Variants in BABAM2 observed in about 807,000 individuals in gnomAD.
BABAM2 encodes BRISC and BRCA1 A complex member 2, also known as BRISC and BRCA1-A complex member 2.
A neutral mutation model predicts 54.7 loss-of-function variants in BABAM2; 31 were observed. The ratio of observed to expected loss-of-function variants is 0.57; its 90% CI spans 0.43 to 0.77. BABAM2 has a LOEUF of 0.77. BABAM2 is among the 30% of genes least tolerant of loss of function. BABAM2 has a pLI of 0.00. For synonymous variants in BABAM2, 167 were observed against 162.9 expected (o/e 1.03, Z -0.19); for missense variants, 364 against 455.8 (o/e 0.80, Z 1.83).
chr2:28,179,498 A>T (rs1354141496), intron 7 of BABAM2, among the ~76,000 whole-genome samples: 3 of 152,172 alleles, frequency 2.0e-5, no homozygotes, highest in Non-Finnish European at 4.4e-5. Context: ...AATAAAGGCC[A>T]TATGTGACCC....
At chr2:27,917,003 ATCAC>A (rs1477921304) in intron 2 of BABAM2, among the ~76,000 whole-genome samples, 1 of 146,800 alleles carries the variant, frequency 6.8e-6, no homozygotes, top group African/African-American at 2.5e-5. Context: ...TATAGCAATA[ATCAC>A]TCCAAACTTT....
chr2:28,110,421 C>T (rs902921757), intron 6 of BABAM2, among the ~76,000 whole-genome samples: 13 of 151,750 alleles, frequency 8.6e-5, no homozygotes, highest in African/African-American at 2.4e-4. Flanking sequence ...GTCAGGAGTT[C>T]GAGACTAGCC....
intron 7 of BABAM2, among the ~76,000 whole-genome samples, chr2:28,198,183 T>C (rs1677823585): frequency 6.6e-6 from 1 of 151,272 alleles, no homozygotes; most frequent in Non-Finnish European, 1.5e-5. Flanking sequence ...TTTTTGAGAC[T>C]GAGTCTCGCT....
upstream of BABAM2, among the ~76,000 whole-genome samples, chr2:27,889,775 T>C (rs1664670521): frequency 6.6e-6 from 1 of 152,202 alleles, no homozygotes. Flanking sequence ...TCTGCTCAAC[T>C]CATTATTTTA....
chr2:27,891,219 G>C (rs1664811605), intron 1 of BABAM2: 1 of 152,160 alleles, frequency 6.6e-6, no homozygotes, highest in African/African-American at 2.4e-5. Context: ...TGCCCCTTGG[G>C]GGAAATTGCT....
chr2:28,199,468 C>A (rs537979731), intron 7 of BABAM2, among the ~76,000 whole-genome samples: 1 of 152,240 alleles, frequency 6.6e-6, no homozygotes, highest in East Asian at 1.9e-4. Flanking sequence ...TCTTATCCAC[C>A]AAACTCCTAG....
chr2:28,243,221 C>T (rs935251570), intron 9 of BABAM2, among the ~76,000 whole-genome samples: 3 of 152,136 alleles, frequency 2.0e-5, no homozygotes, highest in African/African-American at 4.8e-5. Flanking sequence ...AGCACTATAA[C>T]ATTATTGGGC....
intron 10 of BABAM2, among the ~76,000 whole-genome samples, chr2:28,264,576 T>C (rs973541207): frequency 2.0e-5 from 3 of 152,106 alleles, no homozygotes; most frequent in African/African-American, 7.2e-5. Context: ...AAGAATGGAG[T>C]GGGCCAAAAC....
intron 11 of BABAM2, chr2:28,310,024 G>GATCCTTGA (rs1407892713): frequency 1.3e-6 from 2 of 1,533,864 alleles, no homozygotes; most frequent in African/African-American, 1.4e-5. Context: ...GGAATTATTG[G>GATCCTTGA]ATCCTTGAAC....
intron 5 of BABAM2, among the ~76,000 whole-genome samples, chr2:28,032,053 G>T (rs1468793001): frequency 6.6e-6 from 1 of 152,150 alleles, no homozygotes; most frequent in Non-Finnish European, 1.5e-5. Flanking sequence ...GGTTCTTCCT[G>T]ATCTGAATGG....
At chr2:28,254,383 C>A (rs6750880) in intron 10 of BABAM2, among the ~76,000 whole-genome samples, 1 of 152,088 alleles carries the variant, frequency 6.6e-6, no homozygotes, top group Non-Finnish European at 1.5e-5. Context: ...GTGATCCTCC[C>A]GCCTCGATCT....
At chr2:27,991,654 A>T (rs1372713431) in intron 4 of BABAM2, among the ~76,000 whole-genome samples, 1 of 152,192 alleles carries the variant, frequency 6.6e-6, no homozygotes, top group East Asian at 1.9e-4. Context: ...ATCATATAAT[A>T]TGTTGTCCTT....
chr2:27,935,766 C>T (rs900757904), intron 3 of BABAM2, among the ~76,000 whole-genome samples: 1 of 152,132 alleles, frequency 6.6e-6, no homozygotes, highest in African/African-American at 2.4e-5. Context: ...ATAGCCATGC[C>T]GCCCTTCAGC....
At chr2:28,307,582 A>G (rs545679968) in intron 11 of BABAM2, 3 of 152,236 alleles carry the variant, frequency 2.0e-5, no homozygotes, top group South Asian at 4.1e-4. Flanking sequence ...AATTAATATT[A>G]TAATGCTTCC....
At chr2:27,924,664 C>T (rs958569919) in intron 2 of BABAM2, among the ~76,000 whole-genome samples, 3 of 152,142 alleles carry the variant, frequency 2.0e-5, no homozygotes, top group Non-Finnish European at 2.9e-5. Context: ...GGATTACAGG[C>T]GTGAGCCACT....
At chr2:28,237,605 T>A (rs1682029597) in intron 8 of BABAM2, among the ~76,000 whole-genome samples, 1 of 152,214 alleles carries the variant, frequency 6.6e-6, no homozygotes, top group African/African-American at 2.4e-5. Context: ...TTTTGCCAGA[T>A]CTTGCACCTT....
intron 10 of BABAM2, among the ~76,000 whole-genome samples, chr2:28,280,448 A>T (rs2148191608): frequency 6.6e-6 from 1 of 152,306 alleles, no homozygotes; most frequent in African/African-American, 2.4e-5. Flanking sequence ...CTAGAGTCCC[A>T]TGGTCAAGAA....
intron 6 of BABAM2, among the ~76,000 whole-genome samples, chr2:28,111,112 G>A (rs1667971818): frequency 6.6e-6 from 1 of 150,790 alleles, no homozygotes; most frequent in South Asian, 2.1e-4. Context: ...GGGATTACAG[G>A]CCTGCACCAC....
At chr2:27,994,471 A>G (rs1436861455) in intron 4 of BABAM2, among the ~76,000 whole-genome samples, 1 of 152,218 alleles carries the variant, frequency 6.6e-6, no homozygotes, top group Non-Finnish European at 1.5e-5. Flanking sequence ...GTCCTGTTCC[A>G]TCACTATGAC....
Sources: gnomAD v4.1 joint callset for allele counts (sites outside exome capture counted in the v4.1 genomes callset) on GRCh38, gnomAD v4.1.1 for gene constraint, MANE v1.5 for transcripts, NCBI Gene and HGNC (gene_info 2026-07-23, HGNC 2026-07-21) for gene names.